PTPRG: variants seen among roughly 807,000 people sequenced by gnomAD.
PTPRG encodes the protein protein tyrosine phosphatase receptor type G.
PTPRG carries 102 observed loss-of-function variants against 165.3 expected under a neutral mutation model. The ratio of observed to expected loss-of-function variants is 0.62; its 90% CI spans 0.53 to 0.73. The LOEUF (loss-of-function observed/expected upper bound fraction) is 0.73. PTPRG is among the 30% of genes least tolerant of loss of function. The probability of loss-of-function intolerance (pLI) is 0.00; values close to 1 mark genes in which losing one functional copy is unlikely to be tolerated. For missense variants in PTPRG, 1,866 were observed against 1,861.4 expected, an observed-to-expected ratio of 1.00 and a Z score of -0.05; for synonymous variants, 675 against 669.5, an observed-to-expected ratio of 1.01 and a Z score of -0.13.
At chr3:61,573,785 A>C (rs1200858608) in intron 1 of PTPRG, among the ~76,000 whole-genome samples, 1 of 152,190 alleles carries the variant, frequency 6.6e-6, no homozygotes, top group Non-Finnish European at 1.5e-5. Flanking sequence ...GTTTCAAGAT[A>C]TCTCATGTTT....
chr3:61,724,075 T>G (rs1273991795), intron 1 of PTPRG, among the ~76,000 whole-genome samples: 1 of 151,946 alleles, frequency 6.6e-6, no homozygotes, highest in Non-Finnish European at 1.5e-5. Context: ...CTACTAAAAA[T>G]ACGAAAATTA....
At chr3:61,962,371 C>G (rs1166219714) in intron 2 of PTPRG, among the ~76,000 whole-genome samples, 2 of 152,152 alleles carry the variant, frequency 1.3e-5, no homozygotes, top group African/African-American at 4.8e-5. Context: ...TGAAATCTTT[C>G]CTTTGCTCCT....
chr3:61,916,690 A>G lies in PTPRG; in HGVS notation c.191-72935A>G, dbSNP rs1245715971. 5.3e-5 allele frequency among the ~76,000 whole-genome samples: 8 copies of G among 152,178 alleles called. No individual in the cohort carries two copies. The East Asian group carries it at 9.6e-4, about 18-fold the overall frequency. On this transcript the variant is annotated intron_variant, in intron 2 of 29. Transcript: ENST00000474889. ...TGCTTGCATGTGTTAGGTTTCATAC[A>G]TGTTCAAAATCTATTTTATCCTCAT...
At chr3:61,676,136 C>T (rs1703206671) in intron 1 of PTPRG, among the ~76,000 whole-genome samples, 1 of 152,026 alleles carries the variant, frequency 6.6e-6, no homozygotes, top group Non-Finnish European at 1.5e-5. Context: ...GTTAACAAAA[C>T]AATCATGAAA....
intron 2 of PTPRG, among the ~76,000 whole-genome samples, chr3:61,839,117 G>A (rs2036550585): frequency 6.6e-6 from 1 of 152,138 alleles, no homozygotes; most frequent in Non-Finnish European, 1.5e-5. Context: ...TATCCTTTAA[G>A]ATAATAGATA....
In PTPRG at chr3:62,275,797, G is replaced by A. The variant is rs1702212622; in HGVS notation, c.3466-76G>A. 2.8e-6 allele frequency: 3 copies of A among 1,086,200 alleles called. No homozygotes were observed. In the Admixed American group the frequency reaches 6.7e-5, roughly 24 times the overall value. 67.3% of individuals were successfully genotyped at this position (1,086,200 alleles called of 1,614,324 possible). The stretch of plus-strand genomic sequence containing the variant: ...TCTTGTTTATCAGTAATCTGATTGG[G>A]ATTTTTGCCAAAGCATCAAGCAAAT... On this transcript the variant is annotated intron_variant, in intron 23 of 29. Coordinates refer to ENST00000474889, the MANE Select transcript of PTPRG (RefSeq NM_002841.4).
intron 1 of PTPRG, among the ~76,000 whole-genome samples, chr3:61,660,709 T>TA (rs1234316355): frequency 6.6e-6 from 1 of 151,994 alleles, no homozygotes; most frequent in Non-Finnish European, 1.5e-5. Context: ...GATTGGATAT[T>TA]AAAAAAACCT....
At position 61,742,961 on chromosome 3, in the gene PTPRG, A is replaced by G. The variant is rs1465573200; in HGVS notation, c.86-5917A>G. ...GTGGACTTAAGTCTGACGGTGCCCG[A>G]GAAGCACTTGTCCTTCTGGGGGTCA... On this transcript the variant is annotated intron_variant, in intron 1 of 29. Coordinates refer to ENST00000474889, the MANE Select transcript of PTPRG (RefSeq NM_002841.4). The G allele has an allele frequency of 4.0e-6, 6 of 1,492,948 alleles. No homozygotes were observed. The African/African-American group carries it at 5.5e-5, about 14-fold the overall frequency. The allele number at this position is 1,492,948 out of a possible 1,614,324, so 92.5% of individuals were successfully genotyped here. A position where few individuals can be genotyped will look rare whatever the true frequency, so the allele number is the denominator to read the frequency against.
chr3:61,860,996 A>G (rs891258496), intron 2 of PTPRG, among the ~76,000 whole-genome samples: 3 of 151,996 alleles, frequency 2.0e-5, no homozygotes, highest in Non-Finnish European at 4.4e-5. Context: ...GGCAACCACT[A>G]ATTTATCCTG....
chr3:61,982,099 G>A (rs1325641443), intron 2 of PTPRG, among the ~76,000 whole-genome samples: 1 of 152,090 alleles, frequency 6.6e-6, no homozygotes, highest in Non-Finnish European at 1.5e-5. Flanking sequence ...TGTCTCGATG[G>A]AAAGTCAGGA....
At chr3:61,890,096 G>A (rs1021063938) in intron 2 of PTPRG, among the ~76,000 whole-genome samples, 3 of 152,198 alleles carry the variant, frequency 2.0e-5, no homozygotes, top group African/African-American at 7.2e-5. Context: ...CAGAGTATAT[G>A]AGGACAGCTG....
At chr3:62,115,743 C>T (rs1702842720) in intron 5 of PTPRG, among the ~76,000 whole-genome samples, 1 of 151,618 alleles carries the variant, frequency 6.6e-6, no homozygotes, top group African/African-American at 2.4e-5. Flanking sequence ...TTCCATTTTG[C>T]CCAGGCAGGT....
intron 1 of PTPRG, among the ~76,000 whole-genome samples, chr3:61,629,062 G>T (rs1701693986): frequency 6.6e-6 from 1 of 152,196 alleles, no homozygotes; most frequent in Non-Finnish European, 1.5e-5. Flanking sequence ...GAAGTTTAGG[G>T]AGAAGTAGGA....
intron 1 of PTPRG, among the ~76,000 whole-genome samples, chr3:61,576,972 C>G (rs1032723066): frequency 6.6e-6 from 1 of 152,156 alleles, no homozygotes; most frequent in Admixed American, 6.5e-5. Flanking sequence ...GAAGTGACAC[C>G]TTTCTGAATT....
At chr3:61,904,550 A>AT (rs2038592967) in intron 2 of PTPRG, among the ~76,000 whole-genome samples, 1 of 152,174 alleles carries the variant, frequency 6.6e-6, no homozygotes, top group Non-Finnish European at 1.5e-5. Context: ...TACAGGATTT[A>AT]AAACCTTCCT....
chr3:62,096,900 C>T (rs1423158492), intron 5 of PTPRG, among the ~76,000 whole-genome samples: 2 of 152,172 alleles, frequency 1.3e-5, no homozygotes, highest in African/African-American at 4.8e-5. Context: ...ATTTGCAGTT[C>T]CAAAGACCTC....
chr3:62,084,760 C>G (rs1043409765), intron 5 of PTPRG, among the ~76,000 whole-genome samples: 3 of 152,150 alleles, frequency 2.0e-5, no homozygotes, highest in African/African-American at 7.2e-5. Flanking sequence ...CTTCCTTTGA[C>G]CCACTCTGAC....
intron 2 of PTPRG, among the ~76,000 whole-genome samples, chr3:61,819,748 A>G (rs2035898458): frequency 1.3e-5 from 2 of 152,230 alleles, no homozygotes; most frequent in South Asian, 2.1e-4. Context: ...GAATCTTTAT[A>G]CAACAGAGGG....
intron 1 of PTPRG, among the ~76,000 whole-genome samples, chr3:61,709,492 T>A (rs1485752531): frequency 6.6e-6 from 1 of 152,050 alleles, no homozygotes; most frequent in East Asian, 1.9e-4. Flanking sequence ...TTTTTGTATT[T>A]TTAGTAGAGA....
Sources: allele counts gnomAD v4.1 joint callset (sites outside exome capture counted in the v4.1 genomes callset), GRCh38; gene constraint gnomAD v4.1.1; transcripts MANE v1.5; gene names NCBI Gene and HGNC (gene_info 2026-07-23, HGNC 2026-07-21).